KCNT1: variants seen among roughly 807,000 people sequenced by gnomAD.
KCNT1 encodes potassium channel subfamily T member 1.
In KCNT1, 78 loss-of-function variants were observed where a neutral mutation model predicts 147.8. That is an observed-to-expected ratio of 0.53 (90% confidence interval 0.44 to 0.64). The LOEUF is 0.64. Among genes scored for constraint, KCNT1 ranks in the 30% least tolerant of loss-of-function variants. The probability of loss-of-function intolerance (pLI) is 0.00; values close to 1 mark genes in which losing one functional copy is unlikely to be tolerated. For missense variants in KCNT1, 1,419 were observed against 1,750.3 expected, an observed-to-expected ratio of 0.81 and a Z score of 3.38; for synonymous variants, 867 against 748.8, an observed-to-expected ratio of 1.16 and a Z score of -2.58.
rs1835628695 is a variant in KCNT1 at position 135,714,381 on chromosome 9, C to CCAGCCCGGCG, written c.111-190_111-181dup. 1 of 159,066 alleles carries CCAGCCCGGCG rather than the reference C, an allele frequency of 6.3e-6. No homozygotes were observed. The highest frequency in any genetic ancestry group is 6.6e-5 in the Admixed American group (1 of 15,080). The allele number at this position is 159,066 out of a possible 1,614,324, so 9.9% of individuals were successfully genotyped here. ...CCCCTGCGCAGCCCCCGCCCTAGCC[C>CCAGCCCGGCG]CAGCCCGGCGCAGCCGGTCCCGCGC... On this transcript the variant is annotated intron_variant, in intron 1 of 30. Coordinates refer to ENST00000371757, the MANE Select transcript of KCNT1 (RefSeq NM_020822.3). This position sits in a 1 kb window ranked among gnomAD's most constrained non-coding sequence, Gnocchi z 6.2.
rs1411700632 is a variant in KCNT1, at chr9:135,772,754, C to A, written c.2048C>A (p.Pro683His). The change falls in exon 19 of 31, where the codon CCT becomes CAT. Residue 683 changes from proline (P) to histidine (H), a missense_variant. This residue lies in a region of KCNT1 where 284 missense variants were observed against 292.8 expected (regional missense o/e 0.97). Transcript: ENST00000371757. ...GACCTGCAGGGCACAGAGCACCGGCCTACGCAGAGCGGCGGTGGGGGCGGG... is the reference window on the plus strand; with the variant it reads ...GACCTGCAGGGCACAGAGCACCGGCATACGCAGAGCGGCGGTGGGGGCGGG... Reference protein sequence around the residue: ...AMDLQGTEHRPTQSGGGGGGS... With the variant: ...AMDLQGTEHRHTQSGGGGGGS... 6.8e-7 allele frequency: 1 copy of A among 1,466,078 alleles called. No homozygotes were observed. The highest frequency in any genetic ancestry group is 2.6e-5 in the Admixed American group (1 of 38,526). The allele number at this position is 1,466,078 out of a possible 1,614,324, so 90.8% of individuals were successfully genotyped here.
rs558997432 is a variant in KCNT1, at chr9:135,761,898, C to G, written c.1035+2039C>G. Among the ~76,000 whole-genome samples, 15 of 152,368 alleles carry G rather than the reference C, an allele frequency of 9.8e-5. No homozygotes were observed. In the South Asian group the frequency reaches 2.9e-3, roughly 29 times the overall value. ...GCTGCGTCCGGCTCCTCTCCCCACC[C>G]CACACACCCCAGAGCGAAGAGGAGC... On this transcript the variant is annotated intron_variant, in intron 11 of 30. Transcript: ENST00000371757.
At chr9:135,762,805 G>A (rs944857467) in intron 11 of KCNT1, among the ~76,000 whole-genome samples, 2 of 152,210 alleles carry the variant, frequency 1.3e-5, no homozygotes, top group Non-Finnish European at 2.9e-5. Flanking sequence ...AGGTCCTGCA[G>A]GCATCACACC....
rs572059153 is a variant in KCNT1, at chr9:135,784,006, G to T, written c.2842-18G>T. ...GGACCTCGGCACCAGCCCATCTGAG[G>T]CCCCTCCTTTCCCACAGAGGGAGCG... On this transcript the variant is annotated intron_variant, in intron 24 of 30. Coordinates refer to ENST00000371757, the MANE Select transcript of KCNT1 (RefSeq NM_020822.3). 81 of 1,601,636 alleles carry T rather than the reference G, an allele frequency of 5.1e-5. No homozygotes were observed. In the East Asian group the frequency reaches 1.7e-3, roughly 34 times the overall value.
Position 135,792,196 on chromosome 9 carries a change from G to C in KCNT1, c.*35G>C. ...GCACGGAGCTCAGGCCACCAAGCCC[G>C]GGGTCCTCAGGAAGGACGTGGAGGA... On this transcript the variant is annotated 3_prime_UTR_variant, in exon 31 of 31. Coordinates refer to ENST00000371757, the MANE Select transcript of KCNT1 (RefSeq NM_020822.3). The C allele has an allele frequency of 6.3e-7, 1 of 1,590,932 alleles. No individual in the cohort carries two copies. Among genetic ancestry groups the C allele is most frequent in the Non-Finnish European group, 8.5e-7 (1 of 1,172,212 alleles).
chr9:135,717,760 A>T (rs1050132691), intron 2 of KCNT1, among the ~76,000 whole-genome samples: 7 of 152,214 alleles, frequency 4.6e-5, no homozygotes, highest in Non-Finnish European at 1.0e-4. Flanking sequence ...CAGGAATGGC[A>T]GCTCCTTGGT....
At chr9:135,728,807 C>G (rs1324802061) in intron 2 of KCNT1, among the ~76,000 whole-genome samples, 1 of 152,202 alleles carries the variant, frequency 6.6e-6, no homozygotes, top group Non-Finnish European at 1.5e-5. Context: ...TGGTGATTCA[C>G]AAACCCCTTT....
intron 19 of KCNT1, among the ~76,000 whole-genome samples, chr9:135,774,299 G>A (rs1315437752): frequency 1.4e-5 from 2 of 147,812 alleles, no homozygotes; most frequent in Non-Finnish European, 1.5e-5. Context: ...TGTGTGGTGT[G>A]TGTGTCTGTG....
chr9:135,784,463 GC>G lies in KCNT1; in HGVS notation c.2944-69del, dbSNP rs1170620133. 20 of 1,112,900 alleles carry G rather than the reference GC, an allele frequency of 1.8e-5. No homozygotes were observed. The African/African-American group carries it at 3.1e-4, about 17-fold the overall frequency. 68.9% of individuals were successfully genotyped at this position (1,112,900 alleles called of 1,614,324 possible). ...GTATGGACCTGTGTCCCACGCCCGT[GC>G]CCGCGTGCCTCACTGTGGCTCCCTC... On this transcript the variant is annotated intron_variant, in intron 25 of 30. Coordinates refer to ENST00000371757, the MANE Select transcript of KCNT1 (RefSeq NM_020822.3).
chr9:135,743,001 G>C (rs922320381), intron 2 of KCNT1, among the ~76,000 whole-genome samples: 1 of 152,170 alleles, frequency 6.6e-6, no homozygotes, highest in Non-Finnish European at 1.5e-5. Context: ...AGGACAGTCA[G>C]TGTGCCCCCT....
chr9:135,760,805 G>A (rs1372353190), intron 11 of KCNT1, among the ~76,000 whole-genome samples: 1 of 152,224 alleles, frequency 6.6e-6, no homozygotes, highest in African/African-American at 2.4e-5. Flanking sequence ...ATGGGGCCGT[G>A]CGCGTCTTTC....
At chr9:135,702,713 C>T (rs936696038) in intron 1 of KCNT1, among the ~76,000 whole-genome samples, 13 of 152,098 alleles carry the variant, frequency 8.5e-5, no homozygotes, top group Non-Finnish European at 1.8e-4. Flanking sequence ...CCATCTCCCC[C>T]AGCCCCTGCC....
intron 2 of KCNT1, among the ~76,000 whole-genome samples, chr9:135,736,242 G>A (rs1564331742): frequency 6.6e-6 from 1 of 152,168 alleles, no homozygotes; most frequent in African/African-American, 2.4e-5. Flanking sequence ...CTGAGCGCCA[G>A]GCCTGGTCCG....
intron 2 of KCNT1, among the ~76,000 whole-genome samples, chr9:135,732,522 A>G (rs896312033): frequency 6.6e-6 from 1 of 152,032 alleles, no homozygotes; most frequent in Admixed American, 6.5e-5. Flanking sequence ...TCATTGAGTC[A>G]TAACTGTATG....
intron 24 of KCNT1, among the ~76,000 whole-genome samples, chr9:135,780,849 T>C (rs913608392): frequency 2.0e-5 from 3 of 152,222 alleles, no homozygotes; most frequent in Non-Finnish European, 2.9e-5. Flanking sequence ...TCTCCGGATC[T>C]GGAAGACCAA....
intron 2 of KCNT1, among the ~76,000 whole-genome samples, chr9:135,744,531 A>C (rs942860698): frequency 1.3e-5 from 2 of 152,168 alleles, no homozygotes; most frequent in Non-Finnish European, 2.9e-5. Flanking sequence ...AGGGAGCCCC[A>C]AGGACCCAGG....
chr9:135,729,671 C>A (rs1038705850), intron 2 of KCNT1, among the ~76,000 whole-genome samples: 1 of 152,214 alleles, frequency 6.6e-6, no homozygotes, highest in Non-Finnish European at 1.5e-5. Context: ...TGCACGTGTC[C>A]GGTGGCCTCT....
Position 135,794,072 on chromosome 9 carries a change from A to AG in KCNT1, c.*1911_*1912insG, listed in dbSNP as rs1834712949. ...GCTGCACAGCACCTGCAGGGAGGAG[A>AG]AGGGAGAGAAAAGCCGGTCTGGCTG... On this transcript the variant is annotated 3_prime_UTR_variant, in exon 31 of 31. Coordinates refer to ENST00000371757, the MANE Select transcript of KCNT1 (RefSeq NM_020822.3). 3 of 152,324 alleles carry AG rather than the reference A, an allele frequency of 2.0e-5. No individual in the cohort carries two copies. Among genetic ancestry groups the AG allele is most frequent in the Non-Finnish European group, 4.4e-5 (3 of 68,166 alleles). The allele number at this position is 152,324 out of a possible 1,614,324, so 9.4% of individuals were successfully genotyped here.
At chr9:135,754,106 A>G (rs1002384689) in intron 5 of KCNT1, 113 bp downstream of exon 5, 5 of 953,700 alleles carry the variant, frequency 5.2e-6, no homozygotes, top group African/African-American at 3.3e-5. Flanking sequence ...GAGGCCTGGG[A>G]CCAGGGTGGG....
Sources: allele counts gnomAD v4.1 joint callset (sites outside exome capture counted in the v4.1 genomes callset), GRCh38; gene constraint gnomAD v4.1.1; regional missense constraint gnomAD v4.1.1; non-coding constraint Gnocchi (gnomAD v3.1); transcripts MANE v1.5; gene names NCBI Gene and HGNC (gene_info 2026-07-23, HGNC 2026-07-21).